Variants in ATG4A observed in about 807,000 individuals in gnomAD.
ATG4A encodes autophagy related 4A cysteine peptidase.
Under a neutral mutation model 38.4 loss-of-function variants are expected in ATG4A, and 22 were observed. The observed-to-expected ratio is 0.57, with a 90% CI of 0.41 to 0.82. ATG4A has a LOEUF of 0.82. Ranked by LOEUF, ATG4A falls within the 40% of genes least tolerant of loss-of-function variation. The pLI, the probability that ATG4A is intolerant of heterozygous loss-of-function variation, is 0.00. For synonymous variants in ATG4A, 86 were observed against 100.7 expected, an observed-to-expected ratio of 0.85 and a Z score of 0.88; for missense variants, 220 against 290.0, an observed-to-expected ratio of 0.76 and a Z score of 1.75.
chrX:108,137,888 A>G lies in ATG4A; in HGVS notation c.632A>G (p.Lys211Arg), dbSNP rs751241648. 5 of 1,207,517 alleles carry G rather than the reference A, an allele frequency of 4.1e-6. No homozygotes were observed. The South Asian group carries it at 7.2e-5, about 17-fold the overall frequency. ...TCTTTAACTGCTTCAAACCAGAGTA[A>G]GGGCACCTCTGCCTACTGCTCAGCC... ...PDSLTASNQS[K>R]GTSAYCSAWK... is the part of the protein sequence containing the mutation. Residue 211 changes from lysine (K) to arginine (R), a missense_variant, in exon 8 of 13, where the codon AAG becomes AGG. Physicochemically the swap from Lys to Arg is conservative, Grantham distance 26. Around this residue, in one of 3 missense-constraint regions of ATG4A, gnomAD observed 159 missense variants for 188.9 expected, o/e 0.84. Coordinates refer to ENST00000372232, the MANE Select transcript of ATG4A (RefSeq NM_052936.5).
At chrX:108,145,053 C>T (rs780135811) in intron 9 of ATG4A, among the ~76,000 whole-genome samples, 1 of 112,257 alleles carries the variant, frequency 8.9e-6, no homozygotes, top group South Asian at 3.7e-4. Flanking sequence ...ACTTATCCTT[C>T]ACCTTAGAAA....
intron 3 of ATG4A, among the ~76,000 whole-genome samples, chrX:108,129,724 A>T (rs963348488): frequency 9.1e-6 from 1 of 109,340 alleles, no homozygotes; most frequent in Admixed American, 9.7e-5. Context: ...GCGCCCGCCA[A>T]CACGCCCGGC....
At chrX:108,150,066 A>T in intron 9 of ATG4A, 86 bp from the exon 10 acceptor site, 1 of 1,051,714 alleles carries the variant, frequency 9.5e-7, no homozygotes. Flanking sequence ...GGAGGGGTTA[A>T]GAGAACCAGA....
At chrX:108,125,034 C>A (rs1258561904) in intron 1 of ATG4A, among the ~76,000 whole-genome samples, 1 of 111,733 alleles carries the variant, frequency 8.9e-6, no homozygotes, top group South Asian at 3.7e-4. Flanking sequence ...ATAGATATAG[C>A]ACCATAAACT....
intron 1 of ATG4A, among the ~76,000 whole-genome samples, chrX:108,101,824 T>C (rs1179762255): frequency 1.8e-5 from 2 of 109,343 alleles, no homozygotes; most frequent in Admixed American, 2.0e-4. Flanking sequence ...AGTGGAATCA[T>C]GCAGTATTTA....
chrX:108,126,120 C>T lies in ATG4A; in HGVS notation c.54C>T (p.Tyr18=). 8.3e-7 allele frequency: 1 copy of T among 1,206,976 alleles called. No individual in the cohort carries two copies. The highest frequency in any genetic ancestry group is 1.1e-6 in the Non-Finnish European group (1 of 891,706). Residue 18 remains tyrosine (Y), a synonymous_variant, in exon 2 of 13, where the codon TAC becomes TAT. Transcript: ENST00000372232. ...ATCAGATTACTATTTTCACTGACTA[C>T]CTAGAAGAATATCCAGATACAGATG... is the stretch of plus-strand genomic sequence containing the variant. The part of the protein sequence containing the change: ...YEDQITIFTD[Y]LEEYPDTDEL...
At chrX:108,115,281 T>G (rs1007111172) in intron 1 of ATG4A, among the ~76,000 whole-genome samples, 18 of 111,070 alleles carry the variant, frequency 1.6e-4, no homozygotes, top group African/African-American at 5.9e-4. Context: ...TCTTTTTTCT[T>G]TAATTAAGGT....
chrX:108,094,848 A>ACTTG (rs1388755805), intron 1 of ATG4A, among the ~76,000 whole-genome samples: 1 of 112,858 alleles, frequency 8.9e-6, no homozygotes, highest in Non-Finnish European at 1.9e-5. Flanking sequence ...TATCCTTTGC[A>ACTTG]CTTGCTTCAG....
chrX:108,132,449 C>T (rs1291032795), intron 4 of ATG4A, among the ~76,000 whole-genome samples: 2 of 111,847 alleles, frequency 1.8e-5, no homozygotes, highest in Non-Finnish European at 3.8e-5. Context: ...ACAGATTTTG[C>T]TACAGCTTTC....
intron 1 of ATG4A, among the ~76,000 whole-genome samples, chrX:108,112,009 A>G (rs989855056): frequency 1.8e-5 from 2 of 110,803 alleles, no homozygotes; most frequent in Admixed American, 9.6e-5. Flanking sequence ...TTAATTTTTA[A>G]TGTCTTGTGG....
intron 2 of ATG4A, among the ~76,000 whole-genome samples, chrX:108,127,470 C>G (rs147447488): frequency 1.8e-5 from 2 of 111,778 alleles, no homozygotes; most frequent in South Asian, 3.8e-4. Flanking sequence ...GAAGTAGGTA[C>G]TATAATTCTC....
chrX:108,144,653 T>G (rs2033381157), intron 9 of ATG4A, among the ~76,000 whole-genome samples: 1 of 111,987 alleles, frequency 8.9e-6, no homozygotes, highest in Non-Finnish European at 1.9e-5. Flanking sequence ...ATTATTAAAA[T>G]TCTCCTCTCC....
intron 12 of ATG4A, among the ~76,000 whole-genome samples, chrX:108,153,376 C>T (rs1213802520): frequency 8.9e-6 from 1 of 112,145 alleles, no homozygotes; most frequent in Non-Finnish European, 1.9e-5. Flanking sequence ...TTGAGGCCAT[C>T]GATAATTCAA....
chrX:108,090,176 A>T (rs1027684722), upstream of ATG4A, among the ~76,000 whole-genome samples: 1 of 112,254 alleles, frequency 8.9e-6, no homozygotes, highest in African/African-American at 3.2e-5. Flanking sequence ...TATAACTATG[A>T]GACCATTATT....
chrX:108,127,587 G>A (rs1409580147), intron 2 of ATG4A, among the ~76,000 whole-genome samples: 1 of 111,738 alleles, frequency 8.9e-6, no homozygotes, highest in African/African-American at 3.3e-5. Flanking sequence ...GTATGACTTC[G>A]GGTGTCTTAC....
Position 108,118,331 on chromosome X carries a change from C to CT in ATG4A, c.11-7737dup, listed in dbSNP as rs750117476. ...CTTATCTCCTGTGCTTAGAATCCAGCTTTTTTTTTCATAACAGCAATGTAT... is the reference window on the plus strand; with the variant it reads ...CTTATCTCCTGTGCTTAGAATCCAGCTTTTTTTTTTCATAACAGCAATGTAT... On this transcript the variant is annotated intron_variant, in intron 1 of 12. Coordinates refer to ENST00000372232, the MANE Select transcript of ATG4A (RefSeq NM_052936.5). Among the ~76,000 whole-genome samples, 582 of 109,944 alleles carry CT rather than the reference C, an allele frequency of 5.3e-3. 3 individuals carry two copies. The highest frequency in any genetic ancestry group is 0.018 in the African/African-American group (551 of 30,249).
intron 1 of ATG4A, among the ~76,000 whole-genome samples, chrX:108,104,988 T>C (rs2032130306): frequency 9.0e-6 from 1 of 110,876 alleles, no homozygotes; most frequent in Non-Finnish European, 1.9e-5. Flanking sequence ...TTGGTTCTCT[T>C]TTATGTTTTC....
Position 108,134,237 on chromosome X carries a change from TA to T in ATG4A, c.394+81del. The T allele has an allele frequency of 3.5e-6, 4 of 1,132,045 alleles. No individual in the cohort carries two copies. In the South Asian group the frequency reaches 7.5e-5, roughly 21 times the overall value. The allele number at this position is 1,132,045 out of a possible 1,213,427, so 93.3% of individuals were successfully genotyped here. On this transcript the variant is annotated intron_variant, in intron 5 of 12. Transcript: ENST00000372232. Reference sequence around the variant, plus strand: ...TCCCTTGCCTTATATGTGGCTCCATTAAGTTGTCCATCTGCTTAATTATTTA... The same window carrying T: ...TCCCTTGCCTTATATGTGGCTCCATTAGTTGTCCATCTGCTTAATTATTTA...
chrX:108,117,979 T>C (rs775490332), intron 1 of ATG4A, among the ~76,000 whole-genome samples: 1 of 112,438 alleles, frequency 8.9e-6, no homozygotes, highest in South Asian at 3.7e-4. Context: ...CTCATAATAA[T>C]GTATAGACAT....
Sources: gnomAD v4.1 joint callset for allele counts (sites outside exome capture counted in the v4.1 genomes callset) on GRCh38, gnomAD v4.1.1 for gene constraint, gnomAD v4.1.1 regional missense constraint, MANE v1.5 for transcripts, NCBI Gene and HGNC (gene_info 2026-07-23, HGNC 2026-07-21) for gene names.